The following DLG2 variants were observed in gnomAD, a reference collection of about 807,000 sequenced individuals.
The protein encoded by DLG2 is disks large homolog 2.
Under a neutral mutation model 132.5 loss-of-function variants are expected in DLG2, and 45 were observed. The ratio of observed to expected loss-of-function variants is 0.34; its 90% confidence interval spans 0.27 to 0.44. DLG2 has a LOEUF of 0.44. Ranked by LOEUF, DLG2 falls within the 20% of genes least tolerant of loss-of-function variation. DLG2 has a pLI of 1.00. For missense variants in DLG2, 1,045 were observed against 1,196.9 expected (o/e 0.87, Z 1.87); for synonymous variants, 424 against 419.6 (o/e 1.01, Z -0.13).
intron 5 of DLG2, among the ~76,000 whole-genome samples, chr11:85,112,646 C>T (rs2072956817): frequency 6.6e-6 from 1 of 152,022 alleles, no homozygotes. Flanking sequence ...TATATTATTA[C>T]TAGTCCCCAC....
At chr11:84,935,244 C>G (rs1173734561) in intron 6 of DLG2, among the ~76,000 whole-genome samples, 1 of 152,158 alleles carries the variant, frequency 6.6e-6, no homozygotes, top group Non-Finnish European at 1.5e-5. Flanking sequence ...TAAATGTTTT[C>G]CTTAAATATA....
intron 8 of DLG2, among the ~76,000 whole-genome samples, chr11:84,168,625 T>C (rs576237344): frequency 5.9e-5 from 9 of 152,278 alleles, no homozygotes; most frequent in Admixed American, 1.3e-4. Flanking sequence ...AATCAACAAA[T>C]GAAGTTTTTG....
intron 3 of DLG2, among the ~76,000 whole-genome samples, chr11:85,591,312 C>A (rs1478395834): frequency 1.3e-5 from 2 of 152,236 alleles, no homozygotes; most frequent in Admixed American, 6.5e-5. Context: ...CCCTATACAA[C>A]TCCTAGAAGA....
chr11:83,923,985 AC>A lies in DLG2; in HGVS notation c.1496+6342del, dbSNP rs2078451971. Among the ~76,000 whole-genome samples the A allele has an allele frequency of 2.0e-5, 3 of 152,086 alleles. No homozygotes were observed. In the South Asian group the frequency reaches 6.2e-4, roughly 32 times the overall value. On this transcript the variant is annotated intron_variant, in intron 15 of 27. Coordinates refer to ENST00000376104, the MANE Select transcript of DLG2 (RefSeq NM_001142699.3). ...GCCTTTTTCTCCAACCTTATCACCC[AC>A]CCAATAGCCCTCAGCCACACAGGTA...
At chr11:83,471,143 G>T (rs567129796) in intron 24 of DLG2, among the ~76,000 whole-genome samples, 1 of 152,202 alleles carries the variant, frequency 6.6e-6, no homozygotes, top group African/African-American at 2.4e-5. Context: ...ACATTTTCTT[G>T]TCTTCACCCT....
rs377498395 is a variant in DLG2, at chr11:84,578,167, G to A, written c.358-43436C>T. 2.5e-4 allele frequency among the ~76,000 whole-genome samples: 38 copies of A among 152,266 alleles called. 1 individual carries two copies. The highest frequency in any genetic ancestry group is 3.4e-3 in the Middle Eastern group (1 of 294). ...CTGGGCAAAATTTTGCTGCATGGACGGGGCCCTCATAGAGAACCACTGCTA... is the reference window on the plus strand; with the variant it reads ...CTGGGCAAAATTTTGCTGCATGGACAGGGCCCTCATAGAGAACCACTGCTA... On this transcript the variant is annotated intron_variant, in intron 6 of 27. Coordinates refer to ENST00000376104, the MANE Select transcript of DLG2 (RefSeq NM_001142699.3).
At chr11:85,189,473 T>C (rs538714027) in intron 4 of DLG2, among the ~76,000 whole-genome samples, 2 of 152,312 alleles carry the variant, frequency 1.3e-5, no homozygotes, top group South Asian at 4.1e-4. Flanking sequence ...GGCATTATGC[T>C]GAGTGAAAGA....
chr11:83,938,546 A>C (rs2081991627), intron 14 of DLG2, among the ~76,000 whole-genome samples: 1 of 152,226 alleles, frequency 6.6e-6, no homozygotes, highest in African/African-American at 2.4e-5. Context: ...TAAAATCCAT[A>C]GTTGATAAGA....
intron 6 of DLG2, among the ~76,000 whole-genome samples, chr11:84,857,561 C>T (rs2082957405): frequency 6.6e-6 from 1 of 151,950 alleles, no homozygotes; most frequent in South Asian, 2.1e-4. Context: ...TTCTGTGAAA[C>T]ATAAGCAAAT....
intron 6 of DLG2, among the ~76,000 whole-genome samples, chr11:85,004,106 T>C (rs1268428583): frequency 6.6e-6 from 1 of 152,200 alleles, no homozygotes; most frequent in Non-Finnish European, 1.5e-5. Flanking sequence ...ACATTTTCTT[T>C]ATCCAGTCTA....
At chr11:83,947,380 T>C (rs790349) in intron 14 of DLG2, among the ~76,000 whole-genome samples, 24,162 of 152,134 alleles carry the variant, frequency 0.16, 2,238 homozygotes, top group East Asian at 0.3. Flanking sequence ...CATTGAAATA[T>C]AGAGAAAACA....
chr11:84,672,395 G>A lies in DLG2; in HGVS notation c.358-137664C>T, dbSNP rs182366703. ...ATCAAATGACACAGGTACAGAGACAGAGAGAGCGATCTGGTAGATAAATTT... is the reference window on the plus strand; with the variant it reads ...ATCAAATGACACAGGTACAGAGACAAAGAGAGCGATCTGGTAGATAAATTT... On this transcript the variant is annotated intron_variant, in intron 6 of 27. Transcript: ENST00000376104. Among the ~76,000 whole-genome samples the A allele has an allele frequency of 3.3e-5, 5 of 152,250 alleles. No homozygotes were observed. The East Asian group carries it at 9.7e-4, about 29-fold the overall frequency.
chr11:83,632,245 A>T (rs2063688495), intron 19 of DLG2: 1 of 152,200 alleles, frequency 6.6e-6, no homozygotes, highest in Non-Finnish European at 1.5e-5. Context: ...AACCAACAGC[A>T]AAAGTTCAAC....
intron 3 of DLG2, among the ~76,000 whole-genome samples, chr11:85,301,255 A>G (rs755001534): frequency 1.3e-5 from 2 of 152,116 alleles, no homozygotes; most frequent in Non-Finnish European, 2.9e-5. Flanking sequence ...AGAGAATGGT[A>G]TAAGATAAGG....
At chr11:85,624,889 G>A (rs1199289575) in intron 2 of DLG2, among the ~76,000 whole-genome samples, 1 of 152,102 alleles carries the variant, frequency 6.6e-6, no homozygotes, top group Non-Finnish European at 1.5e-5. Context: ...GGAGGCAAAG[G>A]AAGAGAGGAA....
intron 6 of DLG2, among the ~76,000 whole-genome samples, chr11:84,678,956 T>C (rs901959697): frequency 6.6e-6 from 1 of 152,058 alleles, no homozygotes; most frequent in Non-Finnish European, 1.5e-5. Flanking sequence ...AAATTATGAT[T>C]CTACATAAAA....
chr11:84,316,681 A>G, intron 7 of DLG2: 1 of 906,580 alleles, frequency 1.1e-6, no homozygotes, highest in Non-Finnish European at 1.6e-6. Flanking sequence ...ACATGTGTGA[A>G]AATGACAGGT....
At chr11:84,519,403 T>A (rs754531650) in intron 7 of DLG2, among the ~76,000 whole-genome samples, 5 of 152,152 alleles carry the variant, frequency 3.3e-5, no homozygotes, top group Non-Finnish European at 5.9e-5. Context: ...TTATGACAGT[T>A]AAAACCCAAA....
intron 17 of DLG2, among the ~76,000 whole-genome samples, chr11:83,822,745 A>G (rs1465326048): frequency 6.6e-6 from 1 of 152,172 alleles, no homozygotes. Flanking sequence ...AAGAGCTTGT[A>G]GACTATCTGT....
Sources: gnomAD v4.1 joint callset for allele counts (sites outside exome capture counted in the v4.1 genomes callset) on GRCh38, gnomAD v4.1.1 for gene constraint, MANE v1.5 for transcripts, NCBI Gene and HGNC (gene_info 2026-07-23, HGNC 2026-07-21) for gene names.